NFATC2: variants seen among roughly 807,000 people sequenced by gnomAD.
NFATC2 encodes the protein nuclear factor of activated T cells 2, also known as nuclear factor of activated T-cells, cytoplasmic 2.
In NFATC2, 22 loss-of-function variants were observed where a neutral mutation model predicts 87.3. The observed-to-expected ratio is 0.25, with a 90% CI of 0.18 to 0.36. The LOEUF (loss-of-function observed/expected upper bound fraction) is 0.36, where lower values mean the gene tolerates loss of function less well. Among genes scored for constraint, NFATC2 ranks in the 10% least tolerant of loss-of-function variants. The pLI, the probability that NFATC2 is intolerant of heterozygous loss-of-function variation, is 1.00. For synonymous variants in NFATC2, 565 were observed against 542.2 expected (o/e 1.04, Z -0.58); for missense variants, 1,149 against 1,259.1 (o/e 0.91, Z 1.32).
intron 3 of NFATC2, among the ~76,000 whole-genome samples, chr20:51,512,712 A>T (rs1291501254): frequency 6.6e-6 from 1 of 152,246 alleles, no homozygotes; most frequent in Non-Finnish European, 1.5e-5. Context: ...GCTTAAAACC[A>T]CTAGGCATGA....
intron 6 of NFATC2, among the ~76,000 whole-genome samples, chr20:51,446,950 A>G (rs943303765): frequency 6.6e-6 from 1 of 152,196 alleles, no homozygotes; most frequent in African/African-American, 2.4e-5. Context: ...CTCCCATACC[A>G]GGTCTATTGT....
At chr20:51,458,898 C>T (rs1054943675) in intron 5 of NFATC2, among the ~76,000 whole-genome samples, 10 of 152,078 alleles carry the variant, frequency 6.6e-5, no homozygotes, top group Admixed American at 3.9e-4. Context: ...AATACAGGGC[C>T]CTGGGAGCTG....
At chr20:51,446,678 C>G (rs1214597182) in intron 6 of NFATC2, among the ~76,000 whole-genome samples, 6 of 152,182 alleles carry the variant, frequency 3.9e-5, no homozygotes, top group Admixed American at 6.5e-5. Context: ...TGCAGGGGAC[C>G]AAGTTTAGGC....
rs1274048431 is a variant in NFATC2 at position 51,413,005 on chromosome 20, C to CG, written c.2723-14276_2723-14275insC. Among the ~76,000 whole-genome samples, 10 of 137,288 alleles carry CG rather than the reference C, an allele frequency of 7.3e-5. No individual in the cohort carries two copies. The East Asian group carries it at 1.9e-3, about 25-fold the overall frequency. The allele number at this position is 137,288 out of a possible 152,430, so 90.1% of individuals were successfully genotyped here. ...ATCCCCCGCTCCCGCCGCCCCCCCC[C>CG]CTCCCCGCCAAACACATGGAGCCGA... On this transcript the variant is annotated intron_variant, in intron 9 of 10. Coordinates refer to ENST00000371564, the MANE Select transcript of NFATC2 (RefSeq NM_012340.5).
chr20:51,477,130 C>G lies in NFATC2; in HGVS notation c.1333-1470G>C, dbSNP rs1988786005. On this transcript the variant is annotated intron_variant, in intron 3 of 10. Coordinates refer to ENST00000371564, the MANE Select transcript of NFATC2 (RefSeq NM_012340.5). ...CAGAATAATGAACAATGAGTTACAT[C>G]AATAGCCTGACTACTAACAGGACAT... is the stretch of plus-strand genomic sequence containing the variant. 5.3e-5 allele frequency among the ~76,000 whole-genome samples: 8 copies of G among 152,074 alleles called. 1 individual carries two copies. The highest frequency in any genetic ancestry group is 5.2e-4 in the Admixed American group (8 of 15,268).
At chr20:51,548,595 C>T (rs1482164158) in intron 1 of NFATC2, among the ~76,000 whole-genome samples, 1 of 152,180 alleles carries the variant, frequency 6.6e-6, no homozygotes, top group Admixed American at 6.5e-5. Flanking sequence ...GTGGGACAGA[C>T]ATAAACTAAG....
At chr20:51,540,663 T>TTTTTTTTTTTTTTTTTTTTTTTTGTTTG (rs1555818354) in intron 1 of NFATC2, among the ~76,000 whole-genome samples, 26 of 135,754 alleles carry the variant, frequency 1.9e-4, no homozygotes, top group East Asian at 1.4e-3. Flanking sequence ...TTTTTGTTTT[T>TTTTTTTTTTTTTTTTTTTTTTTTGTTTG]TTTTTTTTGA....
At chr20:51,541,822 C>A (rs1223647845) in intron 1 of NFATC2, among the ~76,000 whole-genome samples, 1 of 152,222 alleles carries the variant, frequency 6.6e-6, no homozygotes, top group Non-Finnish European at 1.5e-5. Flanking sequence ...AGTTTCAACA[C>A]AAAGTCCCCG....
At chr20:51,531,050 T>C (rs528746731) in intron 1 of NFATC2, among the ~76,000 whole-genome samples, 1 of 152,348 alleles carries the variant, frequency 6.6e-6, no homozygotes, top group African/African-American at 2.4e-5. Flanking sequence ...TTACATGTAG[T>C]AAATTACTTG....
At chr20:51,469,641 G>T (rs1226610798) in intron 5 of NFATC2, among the ~76,000 whole-genome samples, 1 of 152,092 alleles carries the variant, frequency 6.6e-6, no homozygotes, top group Non-Finnish European at 1.5e-5. Flanking sequence ...CCTGGATTAG[G>T]TCTAAACCCA....
At chr20:51,392,127 A>G (rs1986425305) in intron 10 of NFATC2, among the ~76,000 whole-genome samples, 1 of 152,210 alleles carries the variant, frequency 6.6e-6, no homozygotes, top group Non-Finnish European at 1.5e-5. Flanking sequence ...GAAAATGCCT[A>G]TTACATGATT....
At chr20:51,461,053 C>T (rs1242558933) in intron 5 of NFATC2, among the ~76,000 whole-genome samples, 2 of 152,202 alleles carry the variant, frequency 1.3e-5, no homozygotes, top group Non-Finnish European at 2.9e-5. Context: ...GGGCAGGCCC[C>T]AGTCCTCAGA....
intron 3 of NFATC2, among the ~76,000 whole-genome samples, chr20:51,490,858 G>A (rs2075870357): frequency 6.6e-6 from 1 of 152,208 alleles, no homozygotes; most frequent in Non-Finnish European, 1.5e-5. Flanking sequence ...TCCTTTCCCA[G>A]GGAACCATGG....
chr20:51,537,328 C>T (rs1382377818), intron 1 of NFATC2, among the ~76,000 whole-genome samples: 4 of 152,072 alleles, frequency 2.6e-5, no homozygotes, highest in African/African-American at 9.7e-5. Context: ...CATGCACACG[C>T]ATCGTGTGTG....
chr20:51,559,813 C>T (rs996222561), intron 1 of NFATC2, among the ~76,000 whole-genome samples: 1 of 152,182 alleles, frequency 6.6e-6, no homozygotes, highest in Non-Finnish European at 1.5e-5. Flanking sequence ...AACTGTCAGA[C>T]AATACTATTT....
At chr20:51,434,514 G>A (rs8122045) in intron 8 of NFATC2, among the ~76,000 whole-genome samples, 5,546 of 152,112 alleles carry the variant, frequency 0.036, 351 homozygotes, top group African/African-American at 0.12. Flanking sequence ...AGCCCCAATC[G>A]TAATCCAACA....
Position 51,516,765 on chromosome 20 carries a change from A to G in NFATC2, c.1332+19T>C. 1.3e-6 allele frequency: 2 copies of G among 1,574,520 alleles called. No homozygotes were observed. The highest frequency in any genetic ancestry group is 1.7e-6 in the Non-Finnish European group (2 of 1,158,082). ...GTGACAAACACCACACACAAAAGGA[A>G]GAGCATTCAAGTCCATACCTGAACC... On this transcript the variant is annotated intron_variant, in intron 3 of 10. Transcript: ENST00000371564.
intron 9 of NFATC2, among the ~76,000 whole-genome samples, chr20:51,416,078 A>T (rs1426276281): frequency 6.6e-6 from 1 of 152,116 alleles, no homozygotes; most frequent in African/African-American, 2.4e-5. Context: ...CCTGGCCAAC[A>T]AAGCGAGACC....
chr20:51,412,441 G>A (rs542971527), intron 9 of NFATC2, among the ~76,000 whole-genome samples: 11 of 152,320 alleles, frequency 7.2e-5, no homozygotes, highest in Admixed American at 4.6e-4. Flanking sequence ...TTCTCCACAC[G>A]GGCCAGGGGG....
Sources: allele counts gnomAD v4.1 joint callset (sites outside exome capture counted in the v4.1 genomes callset), GRCh38; gene constraint gnomAD v4.1.1; transcripts MANE v1.5; gene names NCBI Gene and HGNC (gene_info 2026-07-23, HGNC 2026-07-21).